DENND1A: variants seen among roughly 807,000 people sequenced by gnomAD.
DENND1A encodes the protein DENN domain-containing protein 1A.
DENND1A carries 51 observed loss-of-function variants against 113.7 expected under a neutral mutation model. The ratio of observed to expected loss-of-function variants is 0.45; its 90% CI spans 0.36 to 0.57. The LOEUF is 0.57. DENND1A is among the 20% of genes least tolerant of loss of function. The pLI, the probability that DENND1A is intolerant of heterozygous loss-of-function variation, is 0.00. For synonymous variants in DENND1A, 565 were observed against 570.8 expected (o/e 0.99, Z 0.14); for missense variants, 1,258 against 1,395.9 (o/e 0.90, Z 1.57).
chr9:123,747,941 A>C (rs1378842817), intron 5 of DENND1A, among the ~76,000 whole-genome samples: 4 of 152,166 alleles, frequency 2.6e-5, no homozygotes, highest in Non-Finnish European at 5.9e-5. Flanking sequence ...ATTGTCAAGA[A>C]TCAGGTAATA....
chr9:123,651,199 A>G (rs947416947), intron 9 of DENND1A, among the ~76,000 whole-genome samples: 4 of 152,046 alleles, frequency 2.6e-5, no homozygotes, highest in African/African-American at 4.8e-5. Flanking sequence ...GTTCATTATA[A>G]TTAATAAAAA....
At chr9:123,535,455 C>T (rs1054074517) in intron 13 of DENND1A, among the ~76,000 whole-genome samples, 3 of 151,706 alleles carry the variant, frequency 2.0e-5, no homozygotes, top group African/African-American at 7.3e-5. Context: ...TAAAAAAGCC[C>T]CCAACGATTG....
chr9:123,654,191 C>T (rs945490473), intron 8 of DENND1A, among the ~76,000 whole-genome samples: 1 of 152,162 alleles, frequency 6.6e-6, no homozygotes, highest in South Asian at 2.1e-4. Flanking sequence ...GCACAGCTCT[C>T]CTCACAAACA....
chr9:123,678,994 A>G (rs1281372849), intron 5 of DENND1A, among the ~76,000 whole-genome samples: 2 of 152,254 alleles, frequency 1.3e-5, no homozygotes, highest in Non-Finnish European at 2.9e-5. Context: ...TGCACAGATT[A>G]GACGACTCAG....
chr9:123,606,599 G>A lies in DENND1A; in HGVS notation c.765+2837C>T, dbSNP rs116437963. Among the ~76,000 whole-genome samples, 479 of 152,252 alleles carry A rather than the reference G, an allele frequency of 3.1e-3. 4 individuals are homozygous for A. Among genetic ancestry groups the A allele is most frequent in the African/African-American group, 0.011 (460 of 41,550 alleles). On this transcript the variant is annotated intron_variant, in intron 11 of 23. Transcript: ENST00000394215. ...ATAAAAAGTAAAAAATTCACTTCCC[G>A]CACCTGTAAGTAAAATTATGGCATT...
chr9:123,843,991 C>A (rs1483098851), intron 2 of DENND1A, among the ~76,000 whole-genome samples: 2 of 151,964 alleles, frequency 1.3e-5, no homozygotes, highest in Non-Finnish European at 2.9e-5. Flanking sequence ...TCAAAAGACA[C>A]AGAAAAAGCA....
intron 13 of DENND1A, among the ~76,000 whole-genome samples, chr9:123,510,087 C>T (rs1482519292): frequency 6.6e-6 from 1 of 152,244 alleles, no homozygotes; most frequent in Non-Finnish European, 1.5e-5. Context: ...CCCGCCATGG[C>T]CCCAGCAGTG....
intron 13 of DENND1A, among the ~76,000 whole-genome samples, chr9:123,534,276 C>A (rs1205163942): frequency 6.6e-6 from 1 of 152,188 alleles, no homozygotes; most frequent in Non-Finnish European, 1.5e-5. Flanking sequence ...AGTTTTACCA[C>A]ACATGTATGT....
intron 6 of DENND1A, 87 bp from the exon 7 acceptor site, chr9:123,671,458 AG>A (rs933388388): frequency 1.5e-6 from 2 of 1,311,088 alleles, no homozygotes; most frequent in African/African-American, 3.0e-5. Context: ...CACATGACTG[AG>A]GGGGCTGGGG....
At chr9:123,760,344 T>C (rs1365789594) in intron 4 of DENND1A, among the ~76,000 whole-genome samples, 1 of 152,182 alleles carries the variant, frequency 6.6e-6, no homozygotes, top group Non-Finnish European at 1.5e-5. Flanking sequence ...AAAGGAATTT[T>C]CAAGGTATTC....
intron 13 of DENND1A, among the ~76,000 whole-genome samples, chr9:123,519,407 TC>T (rs2054206067): frequency 6.6e-6 from 1 of 151,322 alleles, no homozygotes; most frequent in African/African-American, 2.4e-5. Flanking sequence ...TCAGATTCCA[TC>T]CCCAGAGCTG....
chr9:123,925,424 C>T (rs949194365), intron 1 of DENND1A, among the ~76,000 whole-genome samples: 5 of 152,090 alleles, frequency 3.3e-5, no homozygotes, highest in Admixed American at 6.5e-5. Flanking sequence ...TCGTCACCAG[C>T]GGCATCTCCA....
chr9:123,495,171 T>C (rs549165538), intron 13 of DENND1A, among the ~76,000 whole-genome samples: 28 of 76,356 alleles, frequency 3.7e-4, no homozygotes, highest in African/African-American at 1.6e-3. Flanking sequence ...CTCTCTCTCT[T>C]ATAATGTCTG....
At chr9:123,405,980 C>A in intron 20 of DENND1A, among the ~76,000 whole-genome samples, 1 of 141,432 alleles carries the variant, frequency 7.1e-6, no homozygotes, top group Non-Finnish European at 1.5e-5. Context: ...CACTCCACTT[C>A]CTGCCCACCC....
chr9:123,517,745 T>A lies in DENND1A; in HGVS notation c.993+39825A>T, dbSNP rs1322522648. ...AATTGCGCAACCATTTACAACTGAT[T>A]ATTTACACACAATATCTCATAGTGT... On this transcript the variant is annotated intron_variant, in intron 13 of 23. Transcript: ENST00000394215. Among the ~76,000 whole-genome samples the A allele has an allele frequency of 2.0e-5, 3 of 150,202 alleles. No homozygotes were observed. The East Asian group carries it at 5.9e-4, about 30-fold the overall frequency.
At chr9:123,766,383 A>T (rs1828819896) in intron 4 of DENND1A, among the ~76,000 whole-genome samples, 1 of 152,112 alleles carries the variant, frequency 6.6e-6, no homozygotes, top group Admixed American at 6.5e-5. Context: ...GTTATCCCCC[A>T]TATTACCCAA....
chr9:123,652,271 C>T, intron 8 of DENND1A, 148 bp from the exon 9 acceptor site: 2 of 642,036 alleles, frequency 3.1e-6, no homozygotes, highest in Non-Finnish European at 5.3e-6. Flanking sequence ...GAGGCCAAAT[C>T]CCCACATGTG....
chr9:123,674,962 T>C (rs2063980701), intron 6 of DENND1A, among the ~76,000 whole-genome samples: 1 of 152,142 alleles, frequency 6.6e-6, no homozygotes, highest in African/African-American at 2.4e-5. Flanking sequence ...CCTTTCAAAT[T>C]TGAGTGAAAA....
intron 10 of DENND1A, among the ~76,000 whole-genome samples, chr9:123,613,069 G>A (rs2060486999): frequency 6.8e-6 from 1 of 147,896 alleles, no homozygotes; most frequent in Non-Finnish European, 1.5e-5. Context: ...GGAATGGGAG[G>A]TGCTTGACAG....
Sources: gnomAD v4.1 joint callset for allele counts (sites outside exome capture counted in the v4.1 genomes callset) on GRCh38, gnomAD v4.1.1 for gene constraint, MANE v1.5 for transcripts, NCBI Gene and HGNC (gene_info 2026-07-23, HGNC 2026-07-21) for gene names.